The following GNA14 variants were observed in gnomAD, a reference collection of about 807,000 sequenced individuals.
GNA14 encodes G protein subunit alpha 14, also known as guanine nucleotide-binding protein subunit alpha-14.
GNA14 carries 50 observed loss-of-function variants against 42.0 expected under a neutral mutation model. The ratio of observed to expected loss-of-function variants is 1.19; its 90% CI spans 0.95 to 1.51. The LOEUF (loss-of-function observed/expected upper bound fraction) is 1.51, where lower values mean the gene tolerates loss of function less well. Among genes scored for constraint, GNA14 ranks in the 40% most tolerant of loss-of-function variants. GNA14 has a pLI of 0.00. For synonymous variants in GNA14, 173 were observed against 163.1 expected, an observed-to-expected ratio of 1.06 and a Z score of -0.46; for missense variants, 473 against 446.2, an observed-to-expected ratio of 1.06 and a Z score of -0.54.
At chr9:77,579,012 A>G (rs927975280) in intron 1 of GNA14, among the ~76,000 whole-genome samples, 1 of 152,174 alleles carries the variant, frequency 6.6e-6, no homozygotes, top group African/African-American at 2.4e-5. Context: ...CTGCTGGGCC[A>G]CTGCCTCTGC....
At position 77,504,219 on chromosome 9, in the gene GNA14, C is replaced by T. The variant is rs550365016; in HGVS notation, c.309+24850G>A. 2.0e-5 allele frequency among the ~76,000 whole-genome samples: 3 copies of T among 152,294 alleles called. No individual in the cohort carries two copies. In the South Asian group the frequency reaches 6.2e-4, roughly 32 times the overall value. On this transcript the variant is annotated intron_variant, in intron 2 of 6. Transcript: ENST00000341700. ...AATGGAAACAAATCTTTTTCACCAA[C>T]TTCCATCAGAAATTCTTTTCAAGGG...
intron 2 of GNA14, among the ~76,000 whole-genome samples, chr9:77,484,070 A>T (rs1440395745): frequency 6.6e-6 from 1 of 152,220 alleles, no homozygotes; most frequent in Non-Finnish European, 1.5e-5. Flanking sequence ...TCTTTGGAGA[A>T]CATGAAAGGA....
intron 1 of GNA14, among the ~76,000 whole-genome samples, chr9:77,545,065 G>GA (rs979773483): frequency 6.6e-6 from 1 of 151,658 alleles, no homozygotes; most frequent in African/African-American, 2.4e-5. Context: ...TTACTTAAAG[G>GA]AAAAAAAAGA....
intron 1 of GNA14, among the ~76,000 whole-genome samples, chr9:77,570,243 A>C (rs957669798): frequency 1.3e-5 from 2 of 152,208 alleles, no homozygotes; most frequent in African/African-American, 4.8e-5. Context: ...TCAACATACT[A>C]TCAAGTTTAC....
At chr9:77,560,286 CTTT>C (rs770870060) in intron 1 of GNA14, among the ~76,000 whole-genome samples, 28 of 119,532 alleles carry the variant, frequency 2.3e-4, no homozygotes, top group African/African-American at 3.1e-4. Flanking sequence ...CCTCTCCAGT[CTTT>C]TTTTTTTTTT....
intron 1 of GNA14, chr9:77,580,144 A>C (rs1239314433): frequency 9.3e-6 from 2 of 215,804 alleles, no homozygotes; most frequent in African/African-American, 4.6e-5. Flanking sequence ...CATAACTCTC[A>C]ATAGTGCCCA....
Position 77,475,540 on chromosome 9 carries a change from G to T in GNA14, c.310-41018C>A, listed in dbSNP as rs190530916. On this transcript the variant is annotated intron_variant, in intron 2 of 6. Coordinates refer to ENST00000341700, the MANE Select transcript of GNA14 (RefSeq NM_004297.4). ...GGTAAAACAGTAGAGAGAGCTGGGG[G>T]AATCTGGCTGTGAAGGCAGTAAGTG... Among the ~76,000 whole-genome samples the T allele has an allele frequency of 1.4e-3, 212 of 151,676 alleles. 1 individual carries two copies. The highest frequency in any genetic ancestry group is 4.9e-3 in the African/African-American group (203 of 41,036).
chr9:77,593,877 G>A (rs538045718), intron 1 of GNA14, among the ~76,000 whole-genome samples: 2 of 152,362 alleles, frequency 1.3e-5, no homozygotes, highest in African/African-American at 4.8e-5. Context: ...AAGCTTGCTT[G>A]AAAGTGTTCT....
intron 2 of GNA14, among the ~76,000 whole-genome samples, chr9:77,449,151 C>T (rs1470966185): frequency 1.3e-5 from 2 of 152,190 alleles, no homozygotes; most frequent in African/African-American, 4.8e-5. Flanking sequence ...AGTACAGCAA[C>T]ATGTGGCACA....
intron 1 of GNA14, among the ~76,000 whole-genome samples, chr9:77,552,100 T>C (rs1252939558): frequency 7.2e-6 from 1 of 138,884 alleles, no homozygotes; most frequent in African/African-American, 2.7e-5. Flanking sequence ...AGATCAAGCC[T>C]TTGCAGCAGG....
intron 2 of GNA14, among the ~76,000 whole-genome samples, chr9:77,448,233 T>C (rs1835853733): frequency 6.6e-6 from 1 of 152,188 alleles, no homozygotes; most frequent in African/African-American, 2.4e-5. Context: ...TTACAGAAAA[T>C]GTTTGCTGAC....
At chr9:77,525,706 T>C (rs1446222099) in intron 2 of GNA14, among the ~76,000 whole-genome samples, 1 of 150,290 alleles carries the variant, frequency 6.7e-6, no homozygotes, top group African/African-American at 2.5e-5. Flanking sequence ...GCCCGGCTAA[T>C]TTTTTTTATT....
intron 1 of GNA14, among the ~76,000 whole-genome samples, chr9:77,575,815 CG>C (rs1160633880): frequency 6.6e-6 from 1 of 152,216 alleles, no homozygotes. Context: ...ATTGAGTTGT[CG>C]GGGGCTGAAC....
intron 1 of GNA14, among the ~76,000 whole-genome samples, chr9:77,558,787 A>T (rs1279973933): frequency 1.3e-5 from 2 of 152,174 alleles, no homozygotes; most frequent in African/African-American, 4.8e-5. Context: ...AGTATGACAG[A>T]TAATAATGAT....
chr9:77,430,123 A>G (rs1024205245), intron 4 of GNA14, among the ~76,000 whole-genome samples: 3 of 152,236 alleles, frequency 2.0e-5, no homozygotes, highest in Non-Finnish European at 2.9e-5. Flanking sequence ...CACAGCAGGG[A>G]ACCGATCTTG....
intron 1 of GNA14, among the ~76,000 whole-genome samples, chr9:77,613,846 T>C (rs1051103191): frequency 2.6e-5 from 4 of 152,186 alleles, no homozygotes; most frequent in Admixed American, 1.3e-4. Context: ...TCTCTCCTCT[T>C]CCTTGCCAAA....
chr9:77,626,578 A>C (rs2117991383), intron 1 of GNA14, among the ~76,000 whole-genome samples: 1 of 152,334 alleles, frequency 6.6e-6, no homozygotes, highest in Admixed American at 6.5e-5. Context: ...CTCAGGATTA[A>C]GAAACTCACT....
intron 1 of GNA14, among the ~76,000 whole-genome samples, chr9:77,640,887 A>AG (rs1299318226): frequency 7.4e-6 from 1 of 135,580 alleles, no homozygotes; most frequent in East Asian, 3.4e-4. Flanking sequence ...AAAAAAAAAA[A>AG]AAAAACAACA....
At chr9:77,556,073 C>T (rs1263796543) in intron 1 of GNA14, among the ~76,000 whole-genome samples, 1 of 151,978 alleles carries the variant, frequency 6.6e-6, no homozygotes, top group Non-Finnish European at 1.5e-5. Flanking sequence ...GGTGAAACCC[C>T]ATCTCTACAA....
Sources: allele counts gnomAD v4.1 joint callset (sites outside exome capture counted in the v4.1 genomes callset), GRCh38; gene constraint gnomAD v4.1.1; transcripts MANE v1.5; gene names NCBI Gene and HGNC (gene_info 2026-07-23, HGNC 2026-07-21).